SCN2A: variants seen among roughly 807,000 people sequenced by gnomAD.
The protein encoded by SCN2A is sodium voltage-gated channel alpha subunit 2, also known as sodium channel protein type 2 subunit alpha.
Under a neutral mutation model 188.7 loss-of-function variants are expected in SCN2A, and 20 were observed. The observed-to-expected ratio is 0.11, with a 90% CI of 0.07 to 0.15. The LOEUF (loss-of-function observed/expected upper bound fraction) is 0.15, where lower values mean the gene tolerates loss of function less well. SCN2A is among the 10% of genes least tolerant of loss of function. SCN2A has a pLI of 1.00. For synonymous variants in SCN2A, 804 were observed against 833.1 expected (o/e 0.97, Z 0.60); for missense variants, 1,278 against 2,445.0 (o/e 0.52, Z 10.07).
chr2:165,315,526 T>G lies in SCN2A; in HGVS notation c.1439T>G (p.Ile480Arg), dbSNP rs1377414796. 6.2e-7 allele frequency: 1 copy of G among 1,614,000 alleles called. No individual in the cohort carries two copies. The highest frequency in any genetic ancestry group is 8.5e-7 in the Non-Finnish European group (1 of 1,179,934). Residue 480 changes from isoleucine (I) to arginine (R), a missense_variant, in exon 11 of 27, where the codon ATA becomes AGA. By Grantham distance (97) the Ile-to-Arg change is moderately conservative. Coordinates refer to ENST00000375437, the MANE Select transcript of SCN2A (RefSeq NM_001040142.2). The part of the protein sequence containing the change: ...ESRDFSGAGG[I>R]GVFSESSSVA... Reference sequence around the variant, plus strand: ...AGAGACTTCAGTGGTGCTGGTGGGATAGGAGTTTTTTCAGAGAGTTCTTCA... The same window carrying G: ...AGAGACTTCAGTGGTGCTGGTGGGAGAGGAGTTTTTTCAGAGAGTTCTTCA...
intron 1 of SCN2A, among the ~76,000 whole-genome samples, chr2:165,250,392 T>G (rs914769289): frequency 6.6e-6 from 1 of 151,952 alleles, no homozygotes; most frequent in Non-Finnish European, 1.5e-5. Context: ...GACTTTATGG[T>G]GATTTGTAAA....
Position 165,310,309 on chromosome 2 carries a change from G to T in SCN2A, c.698-14G>T, listed in dbSNP as rs1697359238. On this transcript the variant is annotated splice_polypyrimidine_tract_variant and intron_variant, in intron 6 of 26. Transcript: ENST00000375437. ...GTAGTATATTTAAATTCCCCCTTCTGATTTTGTTTGTAGGCCTGAAGACCA... is the reference window on the plus strand; with the variant it reads ...GTAGTATATTTAAATTCCCCCTTCTTATTTTGTTTGTAGGCCTGAAGACCA... The T allele has an allele frequency of 6.2e-7, 1 of 1,613,296 alleles. No individual in the cohort carries two copies. The highest frequency in any genetic ancestry group is 1.3e-5 in the African/African-American group (1 of 74,988).
In SCN2A at chr2:165,281,537, C is replaced by T. The variant is rs112303117; in HGVS notation, c.-51-14236C>T. Among the ~76,000 whole-genome samples the T allele has an allele frequency of 9.2e-5, 14 of 151,946 alleles. 1 individual carries two copies. Among genetic ancestry groups the T allele is most frequent in the African/African-American group, 2.9e-4 (12 of 41,424 alleles). On this transcript the variant is annotated intron_variant, in intron 1 of 26. Coordinates refer to ENST00000375437, the MANE Select transcript of SCN2A (RefSeq NM_001040142.2). ...ATGTGAGAAAGTACAGGGCAGGAGACGACATGAGAGAAGGAAGTGAGGGGG... is the reference window on the plus strand; with the variant it reads ...ATGTGAGAAAGTACAGGGCAGGAGATGACATGAGAGAAGGAAGTGAGGGGG...
chr2:165,371,115 G>C (rs1052158679), intron 20 of SCN2A: 7 of 152,074 alleles, frequency 4.6e-5, no homozygotes, highest in Non-Finnish European at 1.0e-4. Context: ...ACTTATCATA[G>C]GTTGGTAAAT....
intron 1 of SCN2A, among the ~76,000 whole-genome samples, chr2:165,276,024 C>T (rs976438871): frequency 2.0e-5 from 3 of 152,162 alleles, no homozygotes; most frequent in Non-Finnish European, 4.4e-5. Context: ...TGAGCCACTG[C>T]ACTCAGCCAA....
At chr2:165,278,214 T>G (rs1477054414) in intron 1 of SCN2A, among the ~76,000 whole-genome samples, 1 of 152,192 alleles carries the variant, frequency 6.6e-6, no homozygotes, top group Non-Finnish European at 1.5e-5. Flanking sequence ...ACATTATATT[T>G]TGTGTGTACC....
At chr2:165,240,659 C>CTGTG (rs35247335) in intron 1 of SCN2A, among the ~76,000 whole-genome samples, 9,371 of 136,354 alleles carry the variant, frequency 0.069, 691 homozygotes, top group African/African-American at 0.18. Context: ...GTGGAAAGAG[C>CTGTG]TGTGTGTGTG....
intron 25 of SCN2A, among the ~76,000 whole-genome samples, chr2:165,386,074 G>A (rs561626863): frequency 2.6e-4 from 39 of 152,078 alleles, no homozygotes; most frequent in Admixed American, 6.5e-4. Flanking sequence ...AGTATAAAAC[G>A]AAAATAAAAT....
intron 17 of SCN2A, among the ~76,000 whole-genome samples, chr2:165,361,366 C>A (rs1357401450): frequency 6.6e-6 from 1 of 151,918 alleles, no homozygotes; most frequent in Non-Finnish European, 1.5e-5. Flanking sequence ...TATCTTGAAC[C>A]TACAATATTT....
chr2:165,248,146 G>A (rs1424781518), intron 1 of SCN2A, among the ~76,000 whole-genome samples: 1 of 152,038 alleles, frequency 6.6e-6, no homozygotes, highest in Non-Finnish European at 1.5e-5. Context: ...TTCCTAATTG[G>A]ACTTTATTCT....
intron 1 of SCN2A, among the ~76,000 whole-genome samples, chr2:165,257,646 C>T (rs1231652787): frequency 6.6e-6 from 1 of 152,154 alleles, no homozygotes; most frequent in African/African-American, 2.4e-5. Flanking sequence ...TCACGCCATT[C>T]TCCTGCCTCA....
chr2:165,296,350 C>T (rs1696511167), intron 2 of SCN2A: 1 of 496,980 alleles, frequency 2.0e-6, no homozygotes, highest in South Asian at 2.2e-5. Context: ...AAAGCCTATT[C>T]ACCTTCTTGA....
At chr2:165,370,439 A>T (rs1700965894) in intron 20 of SCN2A, 140 bp downstream of exon 20, 1 of 864,870 alleles carries the variant, frequency 1.2e-6, no homozygotes, top group East Asian at 2.5e-5. Context: ...CAGTGAGAGG[A>T]TGCCTCAAAA....
Position 165,297,063 on chromosome 2 carries a change from C to G in SCN2A, c.314C>G (p.Ala105Gly), listed in dbSNP as rs766359483. Residue 105 changes from alanine (A) to glycine (G), a missense_variant, in exon 3 of 27, where the codon GCC becomes GGC. Transcript: ENST00000375437. ...GGGAAAGCAATCTCTCGATTCAGTG[C>G]CACCCCTGCCCTTTACATTTTAACT... ...NKGKAISRFSATPALYILTPF... is the reference protein window; with the variant it reads ...NKGKAISRFSGTPALYILTPF... 1 of 1,611,726 alleles carries G rather than the reference C, an allele frequency of 6.2e-7. No individual in the cohort carries two copies. The highest frequency in any genetic ancestry group is 1.1e-5 in the South Asian group (1 of 90,902).
At position 165,381,730 on chromosome 2, in the gene SCN2A, A is replaced by G. The variant is rs141421111; in HGVS notation, c.4551+533A>G. ...CTATCCCACCCTTAAATGAGATGATATCATTCTTTGTAGGGCTTTTTATTG... is the reference window on the plus strand; with the variant it reads ...CTATCCCACCCTTAAATGAGATGATGTCATTCTTTGTAGGGCTTTTTATTG... On this transcript the variant is annotated intron_variant, in intron 25 of 26. Transcript: ENST00000375437. 1.9e-3 allele frequency among the ~76,000 whole-genome samples: 295 copies of G among 152,088 alleles called. 3 individuals are homozygous for G. Among genetic ancestry groups the G allele is most frequent in the African/African-American group, 6.9e-3 (285 of 41,536 alleles).
In SCN2A at chr2:165,356,764, T is replaced by C. The variant is rs115599683; in HGVS notation, c.3399+2093T>C. On this transcript the variant is annotated intron_variant, in intron 17 of 26. Coordinates refer to ENST00000375437, the MANE Select transcript of SCN2A (RefSeq NM_001040142.2). Reference sequence around the variant, plus strand: ...TGGGTTTTCCAAAAGAGCGTGTATTTTGCCTTAACTTAAGCCATTATGTCT... The same window carrying C: ...TGGGTTTTCCAAAAGAGCGTGTATTCTGCCTTAACTTAAGCCATTATGTCT... Among the ~76,000 whole-genome samples the C allele has an allele frequency of 5.3e-3, 813 of 152,344 alleles. 8 individuals are homozygous for C. The highest frequency in any genetic ancestry group is 0.019 in the African/African-American group (779 of 41,578).
In SCN2A at chr2:165,297,098, C is replaced by T. The variant is rs1396350027; in HGVS notation, c.349C>T (p.Pro117Ser). ...CCTTTACATTTTAACTCCCTTCAACCCTATTAGAAAATTAGCTATTAAGAT... is the reference window on the plus strand; with the variant it reads ...CCTTTACATTTTAACTCCCTTCAACTCTATTAGAAAATTAGCTATTAAGAT... ...PALYILTPFNPIRKLAIKILV... is the reference protein window; with the variant it reads ...PALYILTPFNSIRKLAIKILV... The change falls in exon 3 of 27, where the codon CCT becomes TCT. Residue 117 changes from proline to serine, a missense_variant. Pro to Ser is a moderately conservative substitution (Grantham distance 74, BLOSUM62 -1). Around this residue, in one of 17 missense-constraint regions of SCN2A, gnomAD observed 141 missense variants for 185.4 expected, o/e 0.76. Transcript: ENST00000375437. 3 of 1,608,680 alleles carry T rather than the reference C, an allele frequency of 1.9e-6. No homozygotes were observed. The highest frequency in any genetic ancestry group is 2.6e-6 in the Non-Finnish European group (3 of 1,175,628).
chr2:165,391,537 G>A lies in SCN2A; in HGVS notation c.*1713G>A, dbSNP rs1007722. The stretch of plus-strand genomic sequence containing the variant: ...TAAGAAGCAAGGACTAGGATGCAGT[G>A]TAGGTTTCTGCTTTTTTATTAGTAC... On this transcript the variant is annotated 3_prime_UTR_variant, in exon 27 of 27. Coordinates refer to ENST00000375437, the MANE Select transcript of SCN2A (RefSeq NM_001040142.2). 57,535 of 152,276 alleles carry A rather than the reference G, an allele frequency of 0.38. 11,237 individuals carry two copies. Among genetic ancestry groups the A allele is most frequent in the East Asian group, 0.54 (2,794 of 5,152 alleles). 9.4% of individuals were successfully genotyped at this position (152,276 alleles called of 1,614,324 possible). A position where few individuals can be genotyped will look rare whatever the true frequency, so the allele number is the denominator to read the frequency against.
At chr2:165,309,126 T>A in intron 5 of SCN2A, 1 of 1,604,242 alleles carries the variant, frequency 6.2e-7, no homozygotes, top group Non-Finnish European at 8.5e-7. Flanking sequence ...AAGACGTAGA[T>A]TTCCCTAAAT....
Sources: gnomAD v4.1 joint callset for allele counts (sites outside exome capture counted in the v4.1 genomes callset) on GRCh38, gnomAD v4.1.1 for gene constraint, gnomAD v4.1.1 regional missense constraint, MANE v1.5 for transcripts, NCBI Gene and HGNC (gene_info 2026-07-23, HGNC 2026-07-21) for gene names.